Variants in STXBP6 observed in about 807,000 individuals in gnomAD.
The protein encoded by STXBP6 is syntaxin-binding protein 6.
In STXBP6, 21 loss-of-function variants were observed where a neutral mutation model predicts 26.9. The observed-to-expected ratio is 0.78, with a 90% CI of 0.55 to 1.12. The LOEUF (loss-of-function observed/expected upper bound fraction) is 1.12, where lower values mean the gene tolerates loss of function less well. STXBP6 is among the 50% of genes most tolerant of loss of function. The pLI is 0.00. For missense variants in STXBP6, 232 were observed against 257.9 expected (o/e 0.90, Z 0.69); for synonymous variants, 97 against 92.6 (o/e 1.05, Z -0.27).
At chr14:24,812,781 A>G (rs1366642009) in intron 5 of STXBP6, 49 bp from the exon 6 acceptor site, 1 of 1,594,404 alleles carries the variant, frequency 6.3e-7, no homozygotes, top group Non-Finnish European at 8.6e-7. Context: ...AGCAGGTATT[A>G]GCAGAGAGAT....
chr14:24,960,818 G>T (rs1555598), intron 2 of STXBP6, among the ~76,000 whole-genome samples: 62,641 of 152,148 alleles, frequency 0.41, 15,011 homozygotes, highest in African/African-American at 0.68. Context: ...CATACAGATA[G>T]GAAAAGGAAC....
intron 4 of STXBP6, among the ~76,000 whole-genome samples, chr14:24,819,897 A>C (rs2877685): frequency 0.18 from 27,444 of 152,020 alleles, 4,048 homozygotes; most frequent in African/African-American, 0.41. Flanking sequence ...ATACTTAACC[A>C]GCAGGTACAA....
At chr14:24,939,538 C>T (rs1040232247) in intron 2 of STXBP6, among the ~76,000 whole-genome samples, 2 of 151,650 alleles carry the variant, frequency 1.3e-5, no homozygotes, top group Non-Finnish European at 2.9e-5. Context: ...GCTATTCTGC[C>T]TATGGCGATG....
chr14:25,014,321 C>A (rs1222494873), intron 1 of STXBP6, among the ~76,000 whole-genome samples: 1 of 152,060 alleles, frequency 6.6e-6, no homozygotes, highest in Non-Finnish European at 1.5e-5. Flanking sequence ...ATGGTGTAAC[C>A]CCTTCTCTAC....
intron 2 of STXBP6, among the ~76,000 whole-genome samples, chr14:24,959,007 T>C (rs1470036314): frequency 6.6e-6 from 1 of 152,206 alleles, no homozygotes; most frequent in Non-Finnish European, 1.5e-5. Flanking sequence ...ATAATGCGTC[T>C]ATCAACCCCA....
intron 1 of STXBP6, among the ~76,000 whole-genome samples, chr14:25,017,072 A>T (rs1014114619): frequency 1.3e-5 from 2 of 152,202 alleles, no homozygotes; most frequent in Non-Finnish European, 2.9e-5. Flanking sequence ...TGCCAGGTAT[A>T]AAGTAGTATC....
At chr14:24,958,677 G>A (rs2073422133) in intron 2 of STXBP6, among the ~76,000 whole-genome samples, 2 of 152,024 alleles carry the variant, frequency 1.3e-5, no homozygotes, top group Non-Finnish European at 2.9e-5. Context: ...AGTGCCCTTG[G>A]TTAGTAAGTC....
intron 4 of STXBP6, among the ~76,000 whole-genome samples, chr14:24,855,217 G>A (rs951637069): frequency 2.6e-5 from 4 of 152,056 alleles, no homozygotes; most frequent in African/African-American, 9.7e-5. Flanking sequence ...CAAAGCTGGT[G>A]CATTTTTAAA....
In STXBP6 at chr14:24,812,469, G is replaced by A. The variant is rs1425030138; in HGVS notation, c.*240C>T. 1.3e-5 allele frequency: 7 copies of A among 554,624 alleles called. No homozygotes were observed. Among genetic ancestry groups the A allele is most frequent in the Non-Finnish European group, 2.3e-5 (7 of 310,618 alleles). The allele number at this position is 554,624 out of a possible 1,614,324, so 34.4% of individuals were successfully genotyped here. On this transcript the variant is annotated 3_prime_UTR_variant, in exon 6 of 6. Transcript: ENST00000323944. ...TATACACACATACACACAGTGGGAG[G>A]AGGCAAAAACCCAAAATGAAGCTGA...
rs1437786138 is a variant in STXBP6 at position 24,982,899 on chromosome 14, A to AAC, written c.-32-8051_-32-8050dup. 5.3e-5 allele frequency among the ~76,000 whole-genome samples: 8 copies of AAC among 152,354 alleles called. No homozygotes were observed. The East Asian group carries it at 1.5e-3, about 29-fold the overall frequency. On this transcript the variant is annotated intron_variant, in intron 1 of 5. Transcript: ENST00000323944. The stretch of plus-strand genomic sequence containing the variant: ...AAATGATATGACAAAGCCAAAAAAT[A>AAC]ACACCACCAACAAAAGCTACATAGG...
intron 2 of STXBP6, among the ~76,000 whole-genome samples, chr14:24,944,778 G>A (rs2072921616): frequency 6.6e-6 from 1 of 152,072 alleles, no homozygotes; most frequent in South Asian, 2.1e-4. Context: ...TTGTAGGACA[G>A]TACTCTCCAT....
chr14:24,946,191 A>G (rs2072983634), intron 2 of STXBP6, among the ~76,000 whole-genome samples: 1 of 152,228 alleles, frequency 6.6e-6, no homozygotes, highest in African/African-American at 2.4e-5. Flanking sequence ...AGCACTGTTT[A>G]TGGGATATTT....
chr14:25,001,085 G>A (rs1215096066), intron 1 of STXBP6, among the ~76,000 whole-genome samples: 1 of 152,110 alleles, frequency 6.6e-6, no homozygotes, highest in Admixed American at 6.5e-5. Flanking sequence ...CTTTACCTCT[G>A]CATAACCATG....
chr14:25,049,918 C>T lies in STXBP6; in HGVS notation c.-73G>A. On this transcript the variant is annotated 5_prime_UTR_variant, in exon 1 of 6. Coordinates refer to ENST00000323944, the MANE Select transcript of STXBP6 (RefSeq NM_001394410.1). This position sits in a 1 kb window ranked among gnomAD's most constrained non-coding sequence, Gnocchi z 5.6. ...GCGCCCCTGCCGTGCCAGTGCGCGG[C>T]ACGCGTCCCAGAGCACGAGGCTCCT... 1 of 977,558 alleles carries T rather than the reference C, an allele frequency of 1.0e-6. No individual in the cohort carries two copies. The highest frequency in any genetic ancestry group is 1.2e-6 in the Non-Finnish European group (1 of 822,912). 60.6% of individuals were successfully genotyped at this position (977,558 alleles called of 1,614,324 possible).
chr14:24,975,632 G>A (rs546612800), intron 1 of STXBP6, among the ~76,000 whole-genome samples: 1 of 152,266 alleles, frequency 6.6e-6, no homozygotes, highest in South Asian at 2.1e-4. Context: ...AACTGGCAGT[G>A]GATGCCCAAT....
At chr14:24,854,140 C>A (rs988595162) in intron 4 of STXBP6, among the ~76,000 whole-genome samples, 7 of 152,024 alleles carry the variant, frequency 4.6e-5, no homozygotes, top group African/African-American at 1.7e-4. Context: ...AGAAATGAGA[C>A]CTTTAGGGGA....
intron 2 of STXBP6, among the ~76,000 whole-genome samples, chr14:24,908,045 G>GT (rs1367406945): frequency 6.6e-6 from 1 of 152,112 alleles, no homozygotes; most frequent in African/African-American, 2.4e-5. Context: ...TTGGGTGTCT[G>GT]TAACAGGCCT....
intron 2 of STXBP6, among the ~76,000 whole-genome samples, chr14:24,973,135 A>T (rs1436443661): frequency 6.6e-6 from 1 of 152,178 alleles, no homozygotes; most frequent in Non-Finnish European, 1.5e-5. Flanking sequence ...AACAAAACAC[A>T]CTTGAATTTC....
intron 2 of STXBP6, among the ~76,000 whole-genome samples, chr14:24,914,496 CAA>C (rs2071686477): frequency 6.6e-6 from 1 of 152,016 alleles, no homozygotes; most frequent in Non-Finnish European, 1.5e-5. Context: ...GTGACAATAA[CAA>C]ATTTTCAAAG....
Sources: gnomAD v4.1 joint callset for allele counts (sites outside exome capture counted in the v4.1 genomes callset) on GRCh38, gnomAD v4.1.1 for gene constraint, Gnocchi (gnomAD v3.1) non-coding constraint, MANE v1.5 for transcripts, NCBI Gene and HGNC (gene_info 2026-07-23, HGNC 2026-07-21) for gene names.